SLC8A1: variants seen among roughly 807,000 people sequenced by gnomAD.
SLC8A1 encodes sodium/calcium exchanger 1.
In SLC8A1, 18 loss-of-function variants were observed where a neutral mutation model predicts 68.3. The observed-to-expected ratio is 0.26, with a 90% CI of 0.18 to 0.39. SLC8A1 has a LOEUF of 0.39. Among genes scored for constraint, SLC8A1 ranks in the 10% least tolerant of loss-of-function variants. The pLI, the probability that SLC8A1 is intolerant of heterozygous loss-of-function variation, is 1.00. For synonymous variants in SLC8A1, 475 were observed against 415.5 expected (o/e 1.14, Z -1.74); for missense variants, 985 against 1,156.7 (o/e 0.85, Z 2.15).
At chr2:40,353,952 T>C (rs1191210846) in intron 2 of SLC8A1, among the ~76,000 whole-genome samples, 1 of 152,212 alleles carries the variant, frequency 6.6e-6, no homozygotes, top group African/African-American at 2.4e-5. Flanking sequence ...CCATTTTACC[T>C]ACAAGGCACA....
chr2:40,285,060 TG>T (rs1245137321), intron 2 of SLC8A1, among the ~76,000 whole-genome samples: 31 of 152,260 alleles, frequency 2.0e-4, no homozygotes, highest in African/African-American at 7.2e-4. Flanking sequence ...AATGGTCAGC[TG>T]GACTCCAGGA....
intron 2 of SLC8A1, among the ~76,000 whole-genome samples, chr2:40,379,833 C>G (rs1681147036): frequency 6.6e-6 from 1 of 152,000 alleles, no homozygotes; most frequent in South Asian, 2.1e-4. Context: ...TTCTAAATAT[C>G]TATTAAAGTT....
chr2:40,276,467 C>A (rs1347785411), intron 2 of SLC8A1, among the ~76,000 whole-genome samples: 1 of 152,180 alleles, frequency 6.6e-6, no homozygotes, highest in Non-Finnish European at 1.5e-5. Flanking sequence ...CAGAGAATGT[C>A]TATTCCTAAT....
chr2:40,434,042 A>G (rs933377669), intron 1 of SLC8A1, among the ~76,000 whole-genome samples: 2 of 152,174 alleles, frequency 1.3e-5, no homozygotes, highest in Non-Finnish European at 2.9e-5. Context: ...CTCTTCCTGC[A>G]TGCACTGTCA....
intron 1 of SLC8A1, among the ~76,000 whole-genome samples, chr2:40,439,310 T>TA (rs1239861596): frequency 2.6e-5 from 4 of 152,130 alleles, no homozygotes; most frequent in Non-Finnish European, 5.9e-5. Context: ...TTCAGAGACC[T>TA]ATTCAGTTTC....
chr2:40,376,538 C>T (rs1679918650), intron 2 of SLC8A1, among the ~76,000 whole-genome samples: 1 of 151,984 alleles, frequency 6.6e-6, no homozygotes, highest in Non-Finnish European at 1.5e-5. Flanking sequence ...AAGCAATGTT[C>T]ATGCATTTCA....
intron 2 of SLC8A1, among the ~76,000 whole-genome samples, chr2:40,341,173 A>AT (rs1316397733): frequency 6.6e-6 from 1 of 152,030 alleles, no homozygotes; most frequent in African/African-American, 2.4e-5. Context: ...TCTTTGCCTT[A>AT]TTTTTTTACA....
chr2:40,343,709 A>G lies in SLC8A1; in HGVS notation c.1808+84764T>C, dbSNP rs1668404111. On this transcript the variant is annotated intron_variant, in intron 2 of 7. Transcript: ENST00000406785. Reference sequence around the variant, plus strand: ...AGACATATCATAAGTTCTGTAGTGTAAAGGAAAAAGATGTTCATGACAGAC... The same window carrying G: ...AGACATATCATAAGTTCTGTAGTGTGAAGGAAAAAGATGTTCATGACAGAC... Among the ~76,000 whole-genome samples the G allele has an allele frequency of 5.3e-5, 8 of 152,286 alleles. No individual in the cohort carries two copies. In the South Asian group the frequency reaches 1.4e-3, roughly 28 times the overall value.
At chr2:40,356,143 C>T (rs940282723) in intron 2 of SLC8A1, among the ~76,000 whole-genome samples, 7 of 152,182 alleles carry the variant, frequency 4.6e-5, no homozygotes, top group South Asian at 2.1e-4. Flanking sequence ...ATGTGTCCTA[C>T]CCACCCCCAG....
chr2:40,413,782 A>G (rs1474833666), intron 2 of SLC8A1, among the ~76,000 whole-genome samples: 1 of 152,174 alleles, frequency 6.6e-6, no homozygotes, highest in Non-Finnish European at 1.5e-5. Flanking sequence ...TCCTTTGTTC[A>G]TAAGGCAAAT....
At chr2:40,461,508 A>G (rs1409720621) in intron 1 of SLC8A1, among the ~76,000 whole-genome samples, 1 of 152,082 alleles carries the variant, frequency 6.6e-6, no homozygotes, top group East Asian at 1.9e-4. Context: ...AGTAAGGAGG[A>G]GGTGAAAAAA....
intron 2 of SLC8A1, among the ~76,000 whole-genome samples, chr2:40,220,536 C>T (rs1225596717): frequency 6.6e-6 from 1 of 152,134 alleles, no homozygotes; most frequent in Non-Finnish European, 1.5e-5. Flanking sequence ...TTGAATTTTG[C>T]AGTTTTTCTG....
chr2:40,500,555 G>A (rs1705988893), intron 1 of SLC8A1, among the ~76,000 whole-genome samples: 1 of 151,652 alleles, frequency 6.6e-6, no homozygotes, highest in Non-Finnish European at 1.5e-5. Flanking sequence ...CTAATATTTG[G>A]GGAAAAAATG....
intron 2 of SLC8A1, among the ~76,000 whole-genome samples, chr2:40,338,488 G>A (rs1666718409): frequency 6.6e-6 from 1 of 152,132 alleles, no homozygotes; most frequent in African/African-American, 2.4e-5. Context: ...GAGATAAAAT[G>A]CAGCACAAGT....
At chr2:40,472,239 C>T (rs547001179) in intron 1 of SLC8A1, among the ~76,000 whole-genome samples, 1 of 152,260 alleles carries the variant, frequency 6.6e-6, no homozygotes, top group African/African-American at 2.4e-5. Flanking sequence ...TGGATTTAAG[C>T]CTAACAACTT....
intron 1 of SLC8A1, among the ~76,000 whole-genome samples, chr2:40,447,215 G>A (rs763215036): frequency 1.8e-4 from 27 of 152,274 alleles, no homozygotes; most frequent in Admixed American, 8.5e-4. Context: ...ACATATTGCA[G>A]AATGATACAG....
At chr2:40,492,896 G>A (rs1705415602) in intron 1 of SLC8A1, among the ~76,000 whole-genome samples, 1 of 151,722 alleles carries the variant, frequency 6.6e-6, no homozygotes, top group South Asian at 2.1e-4. Flanking sequence ...CACTCTTGGT[G>A]GGACTGTAAA....
chr2:40,390,630 A>G (rs900042097), intron 2 of SLC8A1, among the ~76,000 whole-genome samples: 1 of 152,124 alleles, frequency 6.6e-6, no homozygotes, highest in East Asian at 1.9e-4. Context: ...AGGAACCACC[A>G]TCTTATCCTA....
At chr2:40,290,214 T>A (rs1448935560) in intron 2 of SLC8A1, among the ~76,000 whole-genome samples, 1 of 150,330 alleles carries the variant, frequency 6.7e-6, no homozygotes, top group Non-Finnish European at 1.5e-5. Flanking sequence ...GAAATGAAAG[T>A]GAAAGAATGG....
Sources: gnomAD v4.1 joint callset for allele counts (sites outside exome capture counted in the v4.1 genomes callset) on GRCh38, gnomAD v4.1.1 for gene constraint, MANE v1.5 for transcripts, NCBI Gene and HGNC (gene_info 2026-07-23, HGNC 2026-07-21) for gene names.